Variants in GALNT18 observed in about 807,000 individuals in gnomAD.
The protein encoded by GALNT18 is GalNAc-transferase 18.
Under a neutral mutation model 69.5 loss-of-function variants are expected in GALNT18, and 44 were observed. That is an observed-to-expected ratio of 0.63 (90% CI 0.50 to 0.81). The LOEUF (loss-of-function observed/expected upper bound fraction) is 0.81, where lower values mean the gene tolerates loss of function less well. GALNT18 is among the 40% of genes least tolerant of loss of function. The pLI is 0.00. For missense variants in GALNT18, 715 were observed against 810.0 expected, an observed-to-expected ratio of 0.88 and a Z score of 1.42; for synonymous variants, 364 against 318.2, an observed-to-expected ratio of 1.14 and a Z score of -1.53.
rs1859498378 is a variant in GALNT18 at position 11,596,268 on chromosome 11, C to T, written c.235+25091G>A. 6.6e-6 allele frequency among the ~76,000 whole-genome samples: 1 copy of T among 152,194 alleles called. No individual in the cohort carries two copies. Among genetic ancestry groups the T allele is most frequent in the African/African-American group, 2.4e-5 (1 of 41,452 alleles). On this transcript the variant is annotated intron_variant, in intron 1 of 10. Coordinates refer to ENST00000227756, the MANE Select transcript of GALNT18 (RefSeq NM_198516.3). The surrounding 1 kb of genome is among the most constrained non-coding windows in gnomAD (Gnocchi z 4.2). ...TGTGTCTGTCCTCATGCCTGTATCA[C>T]ACTGCCTTAATTACTGTAGCTTCAC...
intron 8 of GALNT18, among the ~76,000 whole-genome samples, chr11:11,329,483 C>G (rs1359772135): frequency 1.3e-5 from 2 of 152,192 alleles, no homozygotes; most frequent in African/African-American, 4.8e-5. Context: ...CCCATATCGC[C>G]CTTGGTCTTG....
chr11:11,301,398 C>A (rs556899182), intron 9 of GALNT18, among the ~76,000 whole-genome samples: 3 of 152,176 alleles, frequency 2.0e-5, no homozygotes, highest in Admixed American at 6.5e-5. Context: ...TGGTCATTAA[C>A]CCCTTGACAC....
chr11:11,496,836 C>T lies in GALNT18; in HGVS notation c.236-47900G>A, dbSNP rs1590052718. Reference sequence around the variant, plus strand: ...TCCCACCTAATCAACCACTTCTACGCCAGTTCCCTCACCCCCTGCCACCCA... The same window carrying T: ...TCCCACCTAATCAACCACTTCTACGTCAGTTCCCTCACCCCCTGCCACCCA... On this transcript the variant is annotated intron_variant, in intron 1 of 10. Transcript: ENST00000227756. The surrounding 1 kb of genome is among the most constrained non-coding windows in gnomAD (Gnocchi z 4.0). Among the ~76,000 whole-genome samples, 1 of 152,036 alleles carries T rather than the reference C, an allele frequency of 6.6e-6. No homozygotes were observed. Among genetic ancestry groups the T allele is most frequent in the East Asian group, 2.0e-4 (1 of 5,104 alleles).
At chr11:11,492,158 T>A (rs890642103) in intron 1 of GALNT18, among the ~76,000 whole-genome samples, 2 of 152,212 alleles carry the variant, frequency 1.3e-5, no homozygotes, top group African/African-American at 4.8e-5. Flanking sequence ...CGTGTTTAAG[T>A]CACCCAGGCA....
In GALNT18 at chr11:11,391,251, T is replaced by C. The variant is rs184274554; in HGVS notation, c.596-11987A>G. Among the ~76,000 whole-genome samples, 4 of 152,342 alleles carry C rather than the reference T, an allele frequency of 2.6e-5. No individual in the cohort carries two copies. In the East Asian group the frequency reaches 7.7e-4, roughly 29 times the overall value. Reference sequence around the variant, plus strand: ...TGCATCTATTTATTTAACAACCCCTTAACAGTGATTTCTATGTGCAAGGTA... The same window carrying C: ...TGCATCTATTTATTTAACAACCCCTCAACAGTGATTTCTATGTGCAAGGTA... On this transcript the variant is annotated intron_variant, in intron 3 of 10. Coordinates refer to ENST00000227756, the MANE Select transcript of GALNT18 (RefSeq NM_198516.3).
chr11:11,453,859 C>T (rs1872796), intron 1 of GALNT18, among the ~76,000 whole-genome samples: 1,966 of 152,294 alleles, frequency 0.013, 36 homozygotes, highest in African/African-American at 0.045. Context: ...ATAAATTACC[C>T]AGTCTCACTT....
intron 1 of GALNT18, among the ~76,000 whole-genome samples, chr11:11,612,019 G>T (rs766307424): frequency 6.6e-6 from 1 of 152,106 alleles, no homozygotes; most frequent in African/African-American, 2.4e-5. Context: ...TTGATAAGAT[G>T]ATCTCCCATT....
intron 1 of GALNT18, among the ~76,000 whole-genome samples, chr11:11,615,579 T>C (rs1212165148): frequency 6.6e-6 from 1 of 152,238 alleles, no homozygotes; most frequent in Non-Finnish European, 1.5e-5. Context: ...CTCCTGAATT[T>C]GTTTATACCA....
chr11:11,421,353 T>C lies in GALNT18; in HGVS notation c.595+11268A>G, dbSNP rs1855000691. ...AAGAGCTGATATACTTAGGCATCAC[T>C]AAGGATGCTCATTTCAGGAGGAGCT... is the stretch of plus-strand genomic sequence containing the variant. On this transcript the variant is annotated intron_variant, in intron 3 of 10. Transcript: ENST00000227756. The surrounding 1 kb of genome is among the most constrained non-coding windows in gnomAD (Gnocchi z 5.6). 1.3e-5 allele frequency among the ~76,000 whole-genome samples: 2 copies of C among 151,928 alleles called. No homozygotes were observed. The highest frequency in any genetic ancestry group is 6.5e-5 in the Admixed American group (1 of 15,268).
rs1436192065 is a variant in GALNT18 at position 11,595,097 on chromosome 11, T to C, written c.235+26262A>G. Among the ~76,000 whole-genome samples the C allele has an allele frequency of 6.6e-6, 1 of 151,902 alleles. No individual in the cohort carries two copies. The highest frequency in any genetic ancestry group is 1.5e-5 in the Non-Finnish European group (1 of 67,946). On this transcript the variant is annotated intron_variant, in intron 1 of 10. Transcript: ENST00000227756. The surrounding 1 kb of genome is among the most constrained non-coding windows in gnomAD (Gnocchi z 5.2). The stretch of plus-strand genomic sequence containing the variant: ...GGTCACATAAACTTTATGCTTAAAA[T>C]TTTGAGGAACTCCCAAAATGTTTTC...
chr11:11,522,495 A>C (rs1857422536), intron 1 of GALNT18, among the ~76,000 whole-genome samples: 1 of 152,130 alleles, frequency 6.6e-6, no homozygotes, highest in African/African-American at 2.4e-5. Context: ...AGAGATGAAG[A>C]ATCATGCCCA....
chr11:11,327,945 T>A (rs1849953460), intron 8 of GALNT18, among the ~76,000 whole-genome samples: 1 of 152,134 alleles, frequency 6.6e-6, no homozygotes, highest in African/African-American at 2.4e-5. Context: ...AATTAATCAC[T>A]CTCTTTCTCT....
In GALNT18 at chr11:11,372,441, C is replaced by G. The variant is rs945458580; in HGVS notation, c.1092+74G>C. On this transcript the variant is annotated intron_variant, in intron 6 of 10. Transcript: ENST00000227756. The surrounding 1 kb of genome is among the most constrained non-coding windows in gnomAD (Gnocchi z 4.9). ...GTCTGTGACCCTCAACCTTAAACCC[C>G]ATTTCTCCACCCCCAGACTCATTCA... The G allele has an allele frequency of 9.5e-6, 11 of 1,153,738 alleles. No individual in the cohort carries two copies. The highest frequency in any genetic ancestry group is 1.4e-5 in the Non-Finnish European group (11 of 766,772). 71.5% of individuals were successfully genotyped at this position (1,153,738 alleles called of 1,614,324 possible).
In GALNT18 at chr11:11,562,309, G is replaced by A. The variant is rs966908207; in HGVS notation, c.235+59050C>T. ...TTCACTTCATATGCCCCTAGTGTGTGTCTGTCTGCGTGTCCATGTTTCCCC... is the reference window on the plus strand; with the variant it reads ...TTCACTTCATATGCCCCTAGTGTGTATCTGTCTGCGTGTCCATGTTTCCCC... On this transcript the variant is annotated intron_variant, in intron 1 of 10. Transcript: ENST00000227756. This position sits in a 1 kb window ranked among gnomAD's most constrained non-coding sequence, Gnocchi z 4.1. Among the ~76,000 whole-genome samples, 6 of 151,828 alleles carry A rather than the reference G, an allele frequency of 4.0e-5. No homozygotes were observed. Among genetic ancestry groups the A allele is most frequent in the Non-Finnish European group, 5.9e-5 (4 of 67,842 alleles).
chr11:11,604,150 G>C lies in GALNT18; in HGVS notation c.235+17209C>G, dbSNP rs1401548504. Among the ~76,000 whole-genome samples, 1 of 152,192 alleles carries C rather than the reference G, an allele frequency of 6.6e-6. No homozygotes were observed. The highest frequency in any genetic ancestry group is 1.9e-4 in the East Asian group (1 of 5,200). On this transcript the variant is annotated intron_variant, in intron 1 of 10. Coordinates refer to ENST00000227756, the MANE Select transcript of GALNT18 (RefSeq NM_198516.3). This position sits in a 1 kb window ranked among gnomAD's most constrained non-coding sequence, Gnocchi z 5.6. Reference sequence around the variant, plus strand: ...AGCCTCCAGAACTGTGAGGAAATAAGTGTCTGTTATTAATACACCACACAG... The same window carrying C: ...AGCCTCCAGAACTGTGAGGAAATAACTGTCTGTTATTAATACACCACACAG...
intron 1 of GALNT18, among the ~76,000 whole-genome samples, chr11:11,453,517 T>C (rs960554796): frequency 6.6e-6 from 1 of 152,104 alleles, no homozygotes; most frequent in African/African-American, 2.4e-5. Flanking sequence ...TCCAGCCCTC[T>C]CCCCAGTTTT....
chr11:11,344,478 C>A (rs1206926257), intron 6 of GALNT18, among the ~76,000 whole-genome samples: 2 of 152,218 alleles, frequency 1.3e-5, no homozygotes, highest in African/African-American at 4.8e-5. Context: ...TGTTCTCAAA[C>A]TTGTCACCAA....
At position 11,543,443 on chromosome 11, in the gene GALNT18, G is replaced by C. The variant is rs1401173212; in HGVS notation, c.235+77916C>G. On this transcript the variant is annotated intron_variant, in intron 1 of 10. Transcript: ENST00000227756. The surrounding 1 kb of genome is among the most constrained non-coding windows in gnomAD (Gnocchi z 5.1). ...GAACTGGATATGCCACCCATTTTAG[G>C]TCGGGGATGTCCCTTCTCTGCTACC... Among the ~76,000 whole-genome samples, 1 of 152,146 alleles carries C rather than the reference G, an allele frequency of 6.6e-6. No homozygotes were observed. The highest frequency in any genetic ancestry group is 1.5e-5 in the Non-Finnish European group (1 of 68,028).
intron 10 of GALNT18, among the ~76,000 whole-genome samples, chr11:11,289,181 G>A (rs969781371): frequency 2.0e-5 from 3 of 152,214 alleles, no homozygotes; most frequent in South Asian, 4.1e-4. Flanking sequence ...GAGGGCTCGA[G>A]GAGAGATTCC....
Sources: allele counts gnomAD v4.1 joint callset (sites outside exome capture counted in the v4.1 genomes callset), GRCh38; gene constraint gnomAD v4.1.1; non-coding constraint Gnocchi (gnomAD v3.1); transcripts MANE v1.5; gene names NCBI Gene and HGNC (gene_info 2026-07-23, HGNC 2026-07-21).